EIF3B: variants seen among roughly 807,000 people sequenced by gnomAD.
EIF3B encodes the protein eukaryotic translation initiation factor 3 subunit 9.
A neutral mutation model predicts 104.6 loss-of-function variants in EIF3B; 10 were observed. The observed-to-expected ratio is 0.10, with a 90% confidence interval of 0.06 to 0.16. EIF3B has a LOEUF of 0.16. Ranked by LOEUF, EIF3B falls within the 10% of genes least tolerant of loss-of-function variation. The probability of loss-of-function intolerance (pLI) is 1.00; values close to 1 mark genes in which losing one functional copy is unlikely to be tolerated. For synonymous variants in EIF3B, 542 were observed against 417.2 expected (o/e 1.30, Z -3.65); for missense variants, 1,014 against 1,087.9 (o/e 0.93, Z 0.96).
At position 2,375,840 on chromosome 7, in the gene EIF3B, C is replaced by A. The variant is rs1583179893; in HGVS notation, c.2028+313C>A. On this transcript the variant is annotated intron_variant, in intron 14 of 18. Coordinates refer to ENST00000360876, the MANE Select transcript of EIF3B (RefSeq NM_001037283.2). Reference sequence around the variant, plus strand: ...TTCCTTTGAAGTCTGAACAGAGTTCCATAACCGCAGACATTAAGATCTGTT... The same window carrying A: ...TTCCTTTGAAGTCTGAACAGAGTTCAATAACCGCAGACATTAAGATCTGTT... 9 of 332,236 alleles carry A rather than the reference C, an allele frequency of 2.7e-5. No individual in the cohort carries two copies. In the South Asian group the frequency reaches 4.5e-4, roughly 16 times the overall value. The allele number at this position is 332,236 out of a possible 1,614,324, so 20.6% of individuals were successfully genotyped here.
Position 2,355,404 on chromosome 7 carries a change from C to T in EIF3B, c.483C>T (p.Asp161=). ...PSFSDPEDFV[D]DVSEEELLGD... ...TCAGCGACCCCGAGGACTTCGTGGA[C>T]GACGTGAGCGAGGAAGGTGAGGGCG... The change falls in exon 1 of 19, where the codon GAC becomes GAT. Residue 161 remains aspartate, a synonymous_variant. Transcript: ENST00000360876. 3 of 1,475,038 alleles carry T rather than the reference C, an allele frequency of 2.0e-6. No individual in the cohort carries two copies. The highest frequency in any genetic ancestry group is 5.5e-5 in the East Asian group (2 of 36,614). 91.4% of individuals were successfully genotyped at this position (1,475,038 alleles called of 1,614,324 possible). A position where few individuals can be genotyped will look rare whatever the true frequency, so the allele number is the denominator to read the frequency against.
intron 15 of EIF3B, 127 bp downstream of exon 15, chr7:2,377,202 C>A: frequency 7.8e-7 from 1 of 1,276,542 alleles, no homozygotes; most frequent in Non-Finnish European, 1.1e-6. Flanking sequence ...TGCAAGGATT[C>A]TTTGAAGAGA....
chr7:2,359,067 A>G (rs1156556183), intron 1 of EIF3B, among the ~76,000 whole-genome samples: 2 of 151,420 alleles, frequency 1.3e-5, no homozygotes, highest in African/African-American at 4.8e-5. Context: ...CAAAGAAAAA[A>G]AAAAGTTGTT....
rs1489952388 is a variant in EIF3B, at chr7:2,377,082, A to G, written c.2154+7A>G. Reference sequence around the variant, plus strand: ...GAGCCAGGAACAGATCAAGGTCAGCATGCCCCCACCCCCGGGTGCAGGGCA... The same window carrying G: ...GAGCCAGGAACAGATCAAGGTCAGCGTGCCCCCACCCCCGGGTGCAGGGCA... On this transcript the variant is annotated splice_region_variant and intron_variant, in intron 15 of 18. Transcript: ENST00000360876. 1.2e-6 allele frequency: 2 copies of G among 1,602,406 alleles called. No homozygotes were observed. Among genetic ancestry groups the G allele is most frequent in the Admixed American group, 1.7e-5 (1 of 59,428 alleles).
Position 2,374,506 on chromosome 7 carries a change from C to T in EIF3B, c.1811-22C>T, listed in dbSNP as rs370781184. The T allele has an allele frequency of 1.8e-5, 29 of 1,612,544 alleles. 1 individual carries two copies. Among genetic ancestry groups the T allele is most frequent in the Admixed American group, 1.3e-4 (8 of 59,958 alleles). On this transcript the variant is annotated intron_variant, in intron 12 of 18. Transcript: ENST00000360876. ...CTGTGGAAGCCCTCGCAGCTCGTGA[C>T]AGGCGCGCTCTTTCCTTTCAGAGAT...
chr7:2,374,913 C>T (rs1334669575), intron 13 of EIF3B: 8 of 338,136 alleles, frequency 2.4e-5, no homozygotes, highest in Non-Finnish European at 3.2e-5. Flanking sequence ...AGTAACCTCC[C>T]CCCGGGGGTC....
At chr7:2,366,263 C>A in intron 6 of EIF3B, 54 bp from the exon 7 acceptor site, 2 of 1,523,692 alleles carry the variant, frequency 1.3e-6, no homozygotes, top group Non-Finnish European at 1.8e-6. Context: ...CACAGACAGA[C>A]TGTGATCCTC....
At chr7:2,377,135 G>T (rs113422832) in intron 15 of EIF3B, 60 bp downstream of exon 15, 2 of 1,540,534 alleles carry the variant, frequency 1.3e-6, no homozygotes, top group East Asian at 2.3e-5. Context: ...CGTTGAAAAG[G>T]TGTCAGTTTT....
Position 2,366,571 on chromosome 7 carries a change from C to T in EIF3B, c.1336C>T (p.Leu446Phe). 1.2e-6 allele frequency: 2 copies of T among 1,614,184 alleles called. No individual in the cohort carries two copies. The highest frequency in any genetic ancestry group is 1.7e-6 in the Non-Finnish European group (2 of 1,180,042). ...CTTTGCCAGAATGACCCTGGATACG[C>T]TTAGCATCTATGAAACTCCTGTAAG... ...KFFARMTLDT[L>F]SIYETPSMGL... The change falls in exon 8 of 19, where the codon CTT (leucine) becomes TTT (phenylalanine). Residue 446 changes from leucine to phenylalanine, a missense_variant. Leu to Phe is a conservative substitution (Grantham distance 22). Coordinates refer to ENST00000360876, the MANE Select transcript of EIF3B (RefSeq NM_001037283.2).
chr7:2,357,276 A>G (rs1366617523), intron 1 of EIF3B, among the ~76,000 whole-genome samples: 1 of 152,174 alleles, frequency 6.6e-6, no homozygotes, highest in Non-Finnish European at 1.5e-5. Context: ...CAGCGGGCCC[A>G]CGTGGCCCTG....
intron 13 of EIF3B, chr7:2,375,033 G>A (rs1029783270): frequency 8.9e-6 from 3 of 336,504 alleles, no homozygotes; most frequent in Non-Finnish European, 1.7e-5. Flanking sequence ...GCAGTGTGTC[G>A]AAATCATGGA....
chr7:2,367,543 C>T (rs543973236), intron 9 of EIF3B, among the ~76,000 whole-genome samples: 22 of 152,286 alleles, frequency 1.4e-4, no homozygotes, highest in East Asian at 7.7e-4. Context: ...GATCTTGGCT[C>T]GCTGCAACCT....
chr7:2,364,557 T>A (rs773452545), intron 6 of EIF3B, 28 bp downstream of exon 6: 1 of 1,593,122 alleles, frequency 6.3e-7, no homozygotes, highest in Non-Finnish European at 8.5e-7. Flanking sequence ...CACAGGGGAG[T>A]CTATGCATTT....
chr7:2,366,881 G>A, intron 8 of EIF3B, 118 bp from the exon 9 acceptor site: 2 of 1,096,112 alleles, frequency 1.8e-6, no homozygotes, highest in Non-Finnish European at 2.7e-6. Context: ...CGCTCTGTGT[G>A]CACTGCCCCC....
At chr7:2,375,210 A>C in intron 13 of EIF3B, 179 bp from the exon 14 acceptor site, 3 of 662,210 alleles carry the variant, frequency 4.5e-6, no homozygotes, top group Non-Finnish European at 8.0e-6. Flanking sequence ...CTCACTGCAC[A>C]CTCTGCATCT....
At chr7:2,354,510 G>C (rs908476524), upstream of EIF3B, among the ~76,000 whole-genome samples, 2 of 152,064 alleles carry the variant, frequency 1.3e-5, no homozygotes, top group African/African-American at 4.8e-5. Context: ...ATCATTTCTT[G>C]TCCCCGCCTT....
At position 2,365,669 on chromosome 7, in the gene EIF3B, T is replaced by TG. The variant is rs1779974203; in HGVS notation, c.1158-648_1158-647insG. 1.9e-5 allele frequency among the ~76,000 whole-genome samples: 2 copies of TG among 104,244 alleles called. 1 individual carries two copies. The highest frequency in any genetic ancestry group is 1.2e-4 in the African/African-American group (2 of 16,642). 68.4% of individuals were successfully genotyped at this position (104,244 alleles called of 152,430 possible). A position where few individuals can be genotyped will look rare whatever the true frequency, so the allele number is the denominator to read the frequency against. On this transcript the variant is annotated intron_variant, in intron 6 of 18. Transcript: ENST00000360876. Reference sequence around the variant, plus strand: ...CTTGTTTTTTTGTTTGTTTGTTTGTTTGTTTGTTTTGTTTTTTTTTTTTTT... The same window carrying TG: ...CTTGTTTTTTTGTTTGTTTGTTTGTTGTGTTTGTTTTGTTTTTTTTTTTTTT...
rs116705057 is a variant in EIF3B at position 2,377,176 on chromosome 7, A to T, written c.2154+101A>T. 2.6e-3 allele frequency: 3,772 copies of T among 1,439,400 alleles called. 104 individuals carry two copies. In the African/African-American group the frequency reaches 0.048, roughly 18 times the overall value. 89.2% of individuals were successfully genotyped at this position (1,439,400 alleles called of 1,614,324 possible). ...TTATTGTTAGGGTGGTGACTGGGGG[A>T]TAAAAACGTGACATTTGCAAGGATT... On this transcript the variant is annotated intron_variant, in intron 15 of 18. Transcript: ENST00000360876.
At chr7:2,358,256 G>A (rs973901259) in intron 1 of EIF3B, among the ~76,000 whole-genome samples, 1 of 152,078 alleles carries the variant, frequency 6.6e-6, no homozygotes, top group African/African-American at 2.4e-5. Flanking sequence ...GCTACTTTTT[G>A]TATTTTTAAT....
Sources: gnomAD v4.1 joint callset for allele counts (sites outside exome capture counted in the v4.1 genomes callset) on GRCh38, gnomAD v4.1.1 for gene constraint, MANE v1.5 for transcripts, NCBI Gene and HGNC (gene_info 2026-07-23, HGNC 2026-07-21) for gene names.